Variants in APP observed in about 807,000 individuals in gnomAD.
APP encodes amyloid beta precursor protein, also known as amyloid-beta precursor protein.
APP carries 31 observed loss-of-function variants against 101.4 expected under a neutral mutation model. The ratio of observed to expected loss-of-function variants is 0.31; its 90% confidence interval spans 0.23 to 0.41. APP has a LOEUF of 0.41. APP is among the 10% of genes least tolerant of loss of function. APP has a pLI of 1.00. For missense variants in APP, 839 were observed against 1,003.7 expected (o/e 0.84, Z 2.22); for synonymous variants, 366 against 364.4 (o/e 1.00, Z -0.05).
chr21:26,119,812 T>C (rs2062524621), intron 1 of APP, among the ~76,000 whole-genome samples: 1 of 152,270 alleles, frequency 6.6e-6, no homozygotes, highest in African/African-American at 2.4e-5. Context: ...GCTAACAAGG[T>C]GGAGGACTTG....
At chr21:25,914,177 C>T (rs1209231498) in intron 13 of APP, among the ~76,000 whole-genome samples, 1 of 152,058 alleles carries the variant, frequency 6.6e-6, no homozygotes, top group Non-Finnish European at 1.5e-5. Context: ...GTGTCCAGTA[C>T]TCACACTACC....
chr21:26,090,411 A>C (rs2070654), intron 2 of APP, among the ~76,000 whole-genome samples: 107,672 of 152,006 alleles, frequency 0.71, 38,365 homozygotes, highest in East Asian at 0.88. Flanking sequence ...ACCACTATCC[A>C]CTAAGAGTCA....
rs1450164263 is a variant in APP at position 25,964,693 on chromosome 21, C to T, written c.1459-8938G>A. On this transcript the variant is annotated intron_variant, in intron 11 of 17. Coordinates refer to ENST00000346798, the MANE Select transcript of APP (RefSeq NM_000484.4). Reference sequence around the variant, plus strand: ...GGGGTGATCTCCCCTCACTGCAACCCGGGTTCAAGCGATTCTCCTGCCTCA... The same window carrying T: ...GGGGTGATCTCCCCTCACTGCAACCTGGGTTCAAGCGATTCTCCTGCCTCA... 6.0e-5 allele frequency among the ~76,000 whole-genome samples: 9 copies of T among 151,016 alleles called. No homozygotes were observed. The East Asian group carries it at 1.4e-3, about 23-fold the overall frequency.
Position 26,152,735 on chromosome 21 carries a change from G to C in APP, c.57+17829C>G, listed in dbSNP as rs141376431. ...CCACCTCTATGGAAAACATTATGGA[G>C]ATTTCCTAAAGAGTTAAAAGTAGAT... On this transcript the variant is annotated intron_variant, in intron 1 of 17. Coordinates refer to ENST00000346798, the MANE Select transcript of APP (RefSeq NM_000484.4). Among the ~76,000 whole-genome samples the C allele has an allele frequency of 1.8e-4, 27 of 152,280 alleles. No homozygotes were observed. In the East Asian group the frequency reaches 3.9e-3, roughly 22 times the overall value.
intron 13 of APP, among the ~76,000 whole-genome samples, chr21:25,924,411 C>CA (rs551284093): frequency 0.088 from 5,014 of 56,692 alleles, 433 homozygotes; most frequent in African/African-American, 0.32. Context: ...TTTGCAAATA[C>CA]AAAAAAAAAA....
intron 15 of APP, among the ~76,000 whole-genome samples, chr21:25,901,295 T>TCAAAAA (rs1254373475): frequency 7.3e-4 from 55 of 75,202 alleles, no homozygotes; most frequent in African/African-American, 1.5e-3. Flanking sequence ...AAATCCTGTT[T>TCAAAAA]TAAAAAAAAA....
At chr21:25,969,315 T>A (rs1601063631) in intron 11 of APP, among the ~76,000 whole-genome samples, 1 of 118,532 alleles carries the variant, frequency 8.4e-6, no homozygotes, top group Non-Finnish European at 1.6e-5. Flanking sequence ...GCCACTGCAC[T>A]CCAGCCTGGG....
At chr21:26,121,307 TCA>T (rs1170058002) in intron 1 of APP, among the ~76,000 whole-genome samples, 1 of 152,104 alleles carries the variant, frequency 6.6e-6, no homozygotes, top group Non-Finnish European at 1.5e-5. Context: ...TTCCTGGGGG[TCA>T]CTCCTCATAC....
intron 5 of APP, among the ~76,000 whole-genome samples, chr21:26,040,803 G>A (rs946672862): frequency 6.6e-6 from 1 of 151,350 alleles, no homozygotes; most frequent in African/African-American, 2.4e-5. Context: ...ACATTCTAGA[G>A]TTTAAGCTAA....
chr21:26,005,221 G>A (rs1340312943), intron 6 of APP, among the ~76,000 whole-genome samples: 1 of 152,016 alleles, frequency 6.6e-6, no homozygotes, highest in Non-Finnish European at 1.5e-5. Flanking sequence ...CAAGACCAAC[G>A]TAGTCAACAT....
At chr21:25,892,465 AC>A (rs923166211) in intron 16 of APP, among the ~76,000 whole-genome samples, 1 of 125,626 alleles carries the variant, frequency 8.0e-6, no homozygotes, top group African/African-American at 3.0e-5. Context: ...ATATCTTGTT[AC>A]CTACTTTTAG....
At chr21:25,956,385 C>T (rs1220805630) in intron 11 of APP, among the ~76,000 whole-genome samples, 1 of 152,172 alleles carries the variant, frequency 6.6e-6, no homozygotes, top group Non-Finnish European at 1.5e-5. Context: ...TACATTTCGT[C>T]TTAAGTGCTC....
intron 15 of APP, among the ~76,000 whole-genome samples, chr21:25,904,236 T>C (rs1338870123): frequency 2.0e-5 from 3 of 152,232 alleles, no homozygotes; most frequent in African/African-American, 7.2e-5. Context: ...CACTGGCTAC[T>C]ATCAGTTGGG....
chr21:25,890,357 T>C (rs1268013740), intron 17 of APP, among the ~76,000 whole-genome samples: 5 of 152,222 alleles, frequency 3.3e-5, no homozygotes, highest in Non-Finnish European at 7.4e-5. Context: ...CTGCCTGTCC[T>C]CTTCTAATCA....
chr21:25,889,186 C>G (rs961882247), intron 17 of APP, among the ~76,000 whole-genome samples: 1 of 152,096 alleles, frequency 6.6e-6, no homozygotes, highest in Non-Finnish European at 1.5e-5. Flanking sequence ...CAGATAGGGT[C>G]GAAGAGGTTA....
chr21:26,070,316 T>C (rs558921343), intron 3 of APP, among the ~76,000 whole-genome samples: 5 of 152,356 alleles, frequency 3.3e-5, no homozygotes, highest in Admixed American at 2.6e-4. Context: ...AGTTTCATTA[T>C]TGTAAATCAA....
At position 26,057,473 on chromosome 21, in the gene APP, C is replaced by CCACA. The variant is rs71855086; in HGVS notation, c.356-4129_356-4126dup. Among the ~76,000 whole-genome samples, 1,354 of 149,156 alleles carry CCACA rather than the reference C, an allele frequency of 9.1e-3. 20 individuals carry two copies. Among genetic ancestry groups the CCACA allele is most frequent in the African/African-American group, 0.031 (1,266 of 40,930 alleles). ...TTATATTCAAAACGCATGTCACACACCACACACACACACACACACACACAC... is the reference window on the plus strand; with the variant it reads ...TTATATTCAAAACGCATGTCACACACCACACACACACACACACACACACACACAC... On this transcript the variant is annotated intron_variant, in intron 3 of 17. Coordinates refer to ENST00000346798, the MANE Select transcript of APP (RefSeq NM_000484.4).
chr21:25,888,190 T>C (rs1289024031), intron 17 of APP, among the ~76,000 whole-genome samples: 1 of 152,226 alleles, frequency 6.6e-6, no homozygotes, highest in Non-Finnish European at 1.5e-5. Flanking sequence ...TAATGAAGGT[T>C]AGCCAGAGCC....
At chr21:26,152,948 A>G (rs1263515037) in intron 1 of APP, among the ~76,000 whole-genome samples, 1 of 152,214 alleles carries the variant, frequency 6.6e-6, no homozygotes, top group Non-Finnish European at 1.5e-5. Context: ...TATATCAGGG[A>G]CTACTACTCA....
Sources: allele counts gnomAD v4.1 joint callset (sites outside exome capture counted in the v4.1 genomes callset), GRCh38; gene constraint gnomAD v4.1.1; transcripts MANE v1.5; gene names NCBI Gene and HGNC (gene_info 2026-07-23, HGNC 2026-07-21).